The following ZCCHC2 variants were observed in gnomAD, a reference collection of about 807,000 sequenced individuals.
ZCCHC2 encodes the protein zinc finger CCHC-type containing 2.
A neutral mutation model predicts 103.6 loss-of-function variants in ZCCHC2; 39 were observed. The ratio of observed to expected loss-of-function variants is 0.38; its 90% CI spans 0.29 to 0.49. The LOEUF is 0.49. ZCCHC2 is among the 20% of genes least tolerant of loss of function. The probability of loss-of-function intolerance (pLI) is 0.96; values close to 1 mark genes in which losing one functional copy is unlikely to be tolerated. For missense variants in ZCCHC2, 1,483 were observed against 1,491.0 expected (o/e 0.99, Z 0.09); for synonymous variants, 687 against 608.9 (o/e 1.13, Z -1.89).
At position 62,523,904 on chromosome 18, in the gene ZCCHC2, G is replaced by A; in HGVS notation, c.480G>A (p.Pro160=). The A allele has an allele frequency of 6.5e-7, 1 of 1,536,992 alleles. No individual in the cohort carries two copies. The change falls in exon 1 of 14, where the codon CCG becomes CCA. Residue 160 remains proline (P), a synonymous_variant. Coordinates refer to ENST00000269499, the MANE Select transcript of ZCCHC2 (RefSeq NM_017742.6). The part of the protein sequence containing the change: ...AKANGLSDPG[P]LADFREPAVR... ...CCAACGGCCTCTCGGACCCGGGGCC[G>A]CTGGCCGACTTCCGAGAGCCCGCGG...
At chr18:62,556,434 T>C in intron 6 of ZCCHC2, 137 bp downstream of exon 6, 1 of 683,008 alleles carries the variant, frequency 1.5e-6, no homozygotes, top group Non-Finnish European at 2.4e-6. Flanking sequence ...TCATTTTTAA[T>C]GAGTTTTTAC....
At chr18:62,531,074 A>G (rs906257861) in intron 1 of ZCCHC2, among the ~76,000 whole-genome samples, 3 of 151,496 alleles carry the variant, frequency 2.0e-5, no homozygotes, top group Non-Finnish European at 4.4e-5. Context: ...TTTTTTTTAA[A>G]GGGAAGCAAA....
In ZCCHC2 at chr18:62,575,023, C is replaced by T. The variant is rs1229391634; in HGVS notation, c.2942C>T (p.Ala981Val). ...AGCCCTGCCTTGACACACAGTACCG[C>T]GCAGAGTGACAGCACCTCTTACATC... ...SPSPALTHSTAQSDSTSYISA... is the reference protein window; with the variant it reads ...SPSPALTHSTVQSDSTSYISA... The change falls in exon 13 of 14, where the codon GCG becomes GTG. Residue 981 changes from alanine to valine, a missense_variant. Coordinates refer to ENST00000269499, the MANE Select transcript of ZCCHC2 (RefSeq NM_017742.6). 8.7e-6 allele frequency: 14 copies of T among 1,613,902 alleles called. No homozygotes were observed. The highest frequency in any genetic ancestry group is 5.5e-5 in the South Asian group (5 of 91,084).
In ZCCHC2 at chr18:62,539,334, C is replaced by G. The variant is rs1257533276; in HGVS notation, c.940-347C>G. On this transcript the variant is annotated intron_variant, in intron 1 of 13. Transcript: ENST00000269499. ...AATGAATAAAAATGGTGTAGTGATT[C>G]TTGTAAAAAGTACACATGCCGTTCC... 2.0e-5 allele frequency among the ~76,000 whole-genome samples: 3 copies of G among 152,110 alleles called. No individual in the cohort carries two copies. In the East Asian group the frequency reaches 5.8e-4, roughly 29 times the overall value.
exon 15 of ZCCHC2, chr18:62,584,775 T>C (rs1917128949): frequency 6.6e-6 from 1 of 152,294 alleles, no homozygotes; most frequent in Admixed American, 6.5e-5. Flanking sequence ...AGCTGTGAAG[T>C]GGGGTGGGAA....
intron 11 of ZCCHC2, among the ~76,000 whole-genome samples, chr18:62,565,899 G>A (rs1916342773): frequency 6.6e-6 from 1 of 152,020 alleles, no homozygotes; most frequent in South Asian, 2.1e-4. Flanking sequence ...CTAGATATTT[G>A]TATAGAAAGA....
chr18:62,550,924 G>C (rs1039476753), intron 5 of ZCCHC2, among the ~76,000 whole-genome samples: 1 of 152,174 alleles, frequency 6.6e-6, no homozygotes, highest in Non-Finnish European at 1.5e-5. Context: ...GCCCTCGTAA[G>C]GTTGTTGGGC....
chr18:62,564,378 T>A (rs188299515), intron 9 of ZCCHC2, among the ~76,000 whole-genome samples, 193 bp from the exon 10 acceptor site: 11 of 152,208 alleles, frequency 7.2e-5, no homozygotes. Context: ...GTATTAATCA[T>A]GAGGAAAATA....
At position 62,523,289 on chromosome 18, in the gene ZCCHC2, C is replaced by T; in HGVS notation, c.-136C>T. On this transcript the variant is annotated 5_prime_UTR_variant, in exon 1 of 14. Transcript: ENST00000269499. ...CGCCCCCCTCGCCGGCCGAGACCCG[C>T]CCCCGGCCCCGGCCCTCCCCCGGCG... 1.2e-6 allele frequency: 1 copy of T among 843,942 alleles called. No homozygotes were observed. The highest frequency in any genetic ancestry group is 1.4e-6 in the Non-Finnish European group (1 of 701,602). 52.3% of individuals were successfully genotyped at this position (843,942 alleles called of 1,614,324 possible). A position where few individuals can be genotyped will look rare whatever the true frequency, so the allele number is the denominator to read the frequency against.
intron 11 of ZCCHC2, 125 bp downstream of exon 11, chr18:62,565,221 A>G (rs950638237): frequency 1.5e-5 from 10 of 653,576 alleles, no homozygotes; most frequent in East Asian, 8.7e-5. Context: ...TTGTGTTGAT[A>G]TGTACAGCAA....
intron 12 of ZCCHC2, 133 bp from the exon 13 acceptor site, chr18:62,573,924 C>A: frequency 1.1e-6 from 1 of 898,884 alleles, no homozygotes; most frequent in Non-Finnish European, 1.7e-6. Context: ...GGGAGGTCAG[C>A]TTGGACAGTC....
intron 4 of ZCCHC2, among the ~76,000 whole-genome samples, chr18:62,545,429 A>T (rs1269153171): frequency 1.3e-5 from 2 of 152,022 alleles, no homozygotes; most frequent in Non-Finnish European, 2.9e-5. Flanking sequence ...TTTGAGTTCC[A>T]GCTCCTCCCC....
chr18:62,557,344 A>T (rs1346153289), intron 6 of ZCCHC2, among the ~76,000 whole-genome samples: 1 of 152,202 alleles, frequency 6.6e-6, no homozygotes, highest in Non-Finnish European at 1.5e-5. Flanking sequence ...TGCTCTCAAG[A>T]GAGTCATTTT....
At chr18:62,585,604 T>C (rs1460627310) in exon 15 of ZCCHC2, 2 of 152,198 alleles carry the variant, frequency 1.3e-5, no homozygotes, top group African/African-American at 4.8e-5. Flanking sequence ...ACAAAATCAG[T>C]TGTACAAGAG....
chr18:62,524,502 G>A, intron 1 of ZCCHC2, 139 bp downstream of exon 1: 1 of 1,320,760 alleles, frequency 7.6e-7, no homozygotes, highest in Non-Finnish European at 9.8e-7. Flanking sequence ...AGCTCCCAGC[G>A]CCAGAGGGCT....
chr18:62,569,522 G>C (rs1275635783), intron 11 of ZCCHC2, among the ~76,000 whole-genome samples: 2 of 151,154 alleles, frequency 1.3e-5, no homozygotes, highest in Non-Finnish European at 2.9e-5. Flanking sequence ...TCCAAAGTTT[G>C]TATCTCTTGT....
chr18:62,524,464 C>T lies in ZCCHC2; in HGVS notation c.939+101C>T, dbSNP rs112345329. 1.3e-5 allele frequency: 18 copies of T among 1,394,210 alleles called. No individual in the cohort carries two copies. In the South Asian group the frequency reaches 2.7e-4, roughly 21 times the overall value. The allele number at this position is 1,394,210 out of a possible 1,614,324, so 86.4% of individuals were successfully genotyped here. A position where few individuals can be genotyped will look rare whatever the true frequency, so the allele number is the denominator to read the frequency against. ...GCCCCTTGCCCGAGCCCCAGCCCGG[C>T]GCAGGTGGCTCGGAATCCCCACCCG... On this transcript the variant is annotated intron_variant, in intron 1 of 13. Coordinates refer to ENST00000269499, the MANE Select transcript of ZCCHC2 (RefSeq NM_017742.6).
At chr18:62,533,414 A>G (rs558653898) in intron 1 of ZCCHC2, among the ~76,000 whole-genome samples, 2 of 150,474 alleles carry the variant, frequency 1.3e-5, no homozygotes, top group Non-Finnish European at 3.0e-5. Flanking sequence ...AATCCCAGTT[A>G]CTCCTGAGGC....
At chr18:62,570,377 A>G in intron 12 of ZCCHC2, 146 bp downstream of exon 12, 1 of 1,042,946 alleles carries the variant, frequency 9.6e-7, no homozygotes, top group East Asian at 2.7e-5. Context: ...TAAAGTCGTT[A>G]TAAAGGATGT....
Sources: allele counts gnomAD v4.1 joint callset (sites outside exome capture counted in the v4.1 genomes callset), GRCh38; gene constraint gnomAD v4.1.1; transcripts MANE v1.5; gene names NCBI Gene and HGNC (gene_info 2026-07-23, HGNC 2026-07-21).